Variants in PREX1 observed in about 807,000 individuals in gnomAD.
PREX1 encodes the protein phosphatidylinositol-3,4,5-trisphosphate dependent Rac exchange factor 1.
In PREX1, 41 loss-of-function variants were observed where a neutral mutation model predicts 198.3. The observed-to-expected ratio is 0.21, with a 90% CI of 0.16 to 0.27. The LOEUF (loss-of-function observed/expected upper bound fraction) is 0.27. Ranked by LOEUF, PREX1 falls within the 10% of genes least tolerant of loss-of-function variation. The pLI is 1.00. For synonymous variants in PREX1, 843 were observed against 887.2 expected, an observed-to-expected ratio of 0.95 and a Z score of 0.89; for missense variants, 1,620 against 2,200.7, an observed-to-expected ratio of 0.74 and a Z score of 5.28.
the PREX1 span, among the ~76,000 whole-genome samples, chr20:48,850,899 G>GC: frequency 6.6e-6 from 1 of 152,138 alleles, no homozygotes; most frequent in African/African-American, 2.4e-5. Flanking sequence ...GCCAAATCCA[G>GC]CCCCCCGCCC....
intron 21 of PREX1, among the ~76,000 whole-genome samples, chr20:48,651,851 G>T (rs567814863): frequency 6.6e-6 from 1 of 152,238 alleles, no homozygotes; most frequent in Non-Finnish European, 1.5e-5. Context: ...TCATCTGGGG[G>T]AATAGCCCCT....
intron 3 of PREX1, among the ~76,000 whole-genome samples, chr20:48,742,105 G>A (rs949243999): frequency 2.0e-5 from 3 of 152,224 alleles, no homozygotes; most frequent in African/African-American, 7.2e-5. Flanking sequence ...ATTCATCCTT[G>A]TGCCCGGGCA....
rs1371318941 is a variant in PREX1, at chr20:48,726,143, G to C, written c.621+147C>G. ...GAATGGTGGAAAGCAGGGTGAACGA[G>C]AGAGAAAGAGGCAGGGTCCTGGTTT... On this transcript the variant is annotated intron_variant, in intron 5 of 39. Coordinates refer to ENST00000371941, the MANE Select transcript of PREX1 (RefSeq NM_020820.4). 2.6e-5 allele frequency: 17 copies of C among 646,930 alleles called. No individual in the cohort carries two copies. The Admixed American group carries it at 3.7e-4, about 14-fold the overall frequency. 40.1% of individuals were successfully genotyped at this position (646,930 alleles called of 1,614,324 possible).
intron 5 of PREX1, among the ~76,000 whole-genome samples, chr20:48,713,872 A>AAAAG (rs2089948977): frequency 2.7e-5 from 4 of 147,786 alleles, no homozygotes; most frequent in African/African-American, 7.7e-5. Flanking sequence ...AAAAAAAAAA[A>AAAAG]AAAAGAAAAT....
chr20:48,675,218 C>T (rs1912994392), intron 14 of PREX1, among the ~76,000 whole-genome samples: 1 of 152,202 alleles, frequency 6.6e-6, no homozygotes, highest in Non-Finnish European at 1.5e-5. Context: ...GAGTCTGCCC[C>T]TCCCATCCCT....
the PREX1 span, among the ~76,000 whole-genome samples, chr20:48,856,209 T>C: frequency 2.0e-5 from 3 of 152,218 alleles, no homozygotes; most frequent in African/African-American, 7.2e-5. Context: ...TGTCTCCTCC[T>C]TTCTTCTCTG....
chr20:48,811,734 A>G (rs1330559920), intron 1 of PREX1, among the ~76,000 whole-genome samples: 1 of 133,972 alleles, frequency 7.5e-6, no homozygotes, highest in Non-Finnish European at 1.6e-5. Context: ...ACACACACAC[A>G]CCCCTCACAC....
intron 1 of PREX1, among the ~76,000 whole-genome samples, chr20:48,767,494 G>A (rs1163760100): frequency 6.6e-6 from 1 of 151,762 alleles, no homozygotes; most frequent in African/African-American, 2.4e-5. Context: ...AGGGTACGTG[G>A]GCCTCTGAAC....
At chr20:48,755,506 G>A (rs989434911) in intron 1 of PREX1, among the ~76,000 whole-genome samples, 4 of 152,180 alleles carry the variant, frequency 2.6e-5, no homozygotes, top group African/African-American at 9.7e-5. Flanking sequence ...GTATCCTTGT[G>A]GGTTGGGGGA....
chr20:48,788,976 C>A (rs2090325428), intron 1 of PREX1, among the ~76,000 whole-genome samples: 1 of 152,120 alleles, frequency 6.6e-6, no homozygotes, highest in African/African-American at 2.4e-5. Context: ...TGTGGCCCCT[C>A]CACCTGGGAC....
At chr20:48,745,227 T>A (rs1317235660) in intron 2 of PREX1, 80 bp from the exon 3 acceptor site, 11 of 1,461,892 alleles carry the variant, frequency 7.5e-6, no homozygotes, top group Admixed American at 2.1e-5. Context: ...AATACAAACC[T>A]CGGTGCGGGT....
intron 1 of PREX1, among the ~76,000 whole-genome samples, chr20:48,777,933 G>A (rs928652692): frequency 2.0e-5 from 3 of 152,134 alleles, no homozygotes; most frequent in Non-Finnish European, 4.4e-5. Context: ...TACACCAGGG[G>A]CTACAAACAC....
chr20:48,791,770 C>T (rs953058339), intron 1 of PREX1, among the ~76,000 whole-genome samples: 1 of 152,328 alleles, frequency 6.6e-6, no homozygotes, highest in East Asian at 1.9e-4. Flanking sequence ...AGGTTTGGCC[C>T]ACAGTCATGT....
the PREX1 span, among the ~76,000 whole-genome samples, chr20:48,837,590 G>T: frequency 1.4e-4 from 22 of 152,282 alleles, no homozygotes; most frequent in East Asian, 4.0e-3. Flanking sequence ...AATACCTCAC[G>T]TTCTCACTTA....
chr20:48,828,024 G>A, upstream of PREX1: 1 of 157,388 alleles, frequency 6.4e-6, no homozygotes. Flanking sequence ...TGGGCCGGGG[G>A]CGGAGGCAGC....
chr20:48,748,698 C>T (rs559903729), intron 1 of PREX1, among the ~76,000 whole-genome samples: 1 of 152,290 alleles, frequency 6.6e-6, no homozygotes, highest in African/African-American at 2.4e-5. Context: ...CTGTGAGACG[C>T]AGTAGATGAG....
At chr20:48,837,218 T>C in the PREX1 span, among the ~76,000 whole-genome samples, 4 of 152,224 alleles carry the variant, frequency 2.6e-5, no homozygotes, top group African/African-American at 7.2e-5. Context: ...TATGCACTGC[T>C]GGTGGGAGTG....
chr20:48,675,001 G>A (rs577507869), intron 14 of PREX1, among the ~76,000 whole-genome samples: 89 of 152,326 alleles, frequency 5.8e-4, no homozygotes, highest in African/African-American at 1.9e-3. Context: ...AAGCCCTAGT[G>A]TGGAAGCAAC....
At chr20:48,734,027 C>T (rs1319434097) in intron 4 of PREX1, among the ~76,000 whole-genome samples, 1 of 152,222 alleles carries the variant, frequency 6.6e-6, no homozygotes, top group Non-Finnish European at 1.5e-5. Flanking sequence ...GCTGGGATTA[C>T]AGGCGTGAGT....
Sources: allele counts gnomAD v4.1 joint callset (sites outside exome capture counted in the v4.1 genomes callset), GRCh38; gene constraint gnomAD v4.1.1; transcripts MANE v1.5; gene names NCBI Gene and HGNC (gene_info 2026-07-23, HGNC 2026-07-21).